CCSER1: variants seen among roughly 807,000 people sequenced by gnomAD.
The protein encoded by CCSER1 is coiled-coil serine rich protein 1.
A neutral mutation model predicts 82.0 loss-of-function variants in CCSER1; 41 were observed. That is an observed-to-expected ratio of 0.50 (90% CI 0.39 to 0.65). The LOEUF is 0.65. Among genes scored for constraint, CCSER1 ranks in the 30% least tolerant of loss-of-function variants. The pLI, the probability that CCSER1 is intolerant of heterozygous loss-of-function variation, is 0.00. For missense variants in CCSER1, 1,119 were observed against 1,064.2 expected (o/e 1.05, Z -0.72); for synonymous variants, 414 against 383.9 (o/e 1.08, Z -0.92).
intron 4 of CCSER1, among the ~76,000 whole-genome samples, chr4:90,441,127 C>T (rs1759820235): frequency 6.6e-6 from 1 of 152,142 alleles, no homozygotes; most frequent in South Asian, 2.1e-4. Flanking sequence ...GCCAAGCAAT[C>T]CTTTAAGAAG....
At chr4:90,855,387 T>A (rs937790720) in intron 8 of CCSER1, among the ~76,000 whole-genome samples, 15 of 152,170 alleles carry the variant, frequency 9.9e-5, no homozygotes, top group Non-Finnish European at 2.9e-5. Flanking sequence ...TTGGAATAAG[T>A]CTAGCTTTGG....
At chr4:91,455,972 A>T (rs1340849631) in intron 10 of CCSER1, among the ~76,000 whole-genome samples, 1 of 152,122 alleles carries the variant, frequency 6.6e-6, no homozygotes, top group Non-Finnish European at 1.5e-5. Context: ...TGGAAAAGTC[A>T]TCTCTGTAAT....
chr4:91,435,282 A>G (rs781333216), intron 10 of CCSER1, among the ~76,000 whole-genome samples: 1 of 152,048 alleles, frequency 6.6e-6, no homozygotes, highest in Non-Finnish European at 1.5e-5. Flanking sequence ...TCTACAAAAA[A>G]TATTTAAAAG....
chr4:90,214,909 T>C (rs564203310), intron 1 of CCSER1, among the ~76,000 whole-genome samples: 17 of 152,334 alleles, frequency 1.1e-4, no homozygotes, highest in African/African-American at 4.1e-4. Flanking sequence ...TTATTCCTTT[T>C]AATATAGCAT....
At chr4:90,586,280 C>T (rs1460915253) in intron 5 of CCSER1, among the ~76,000 whole-genome samples, 1 of 152,012 alleles carries the variant, frequency 6.6e-6, no homozygotes, top group Non-Finnish European at 1.5e-5. Context: ...CCAATTTGTC[C>T]GTGGAAAAAT....
chr4:90,991,822 C>T (rs571427340), intron 9 of CCSER1, among the ~76,000 whole-genome samples: 5 of 152,020 alleles, frequency 3.3e-5, no homozygotes, highest in African/African-American at 4.8e-5. Flanking sequence ...CTTTTTTCAG[C>T]GAAGATTCTG....
chr4:90,492,340 A>G (rs1034668554), intron 5 of CCSER1, among the ~76,000 whole-genome samples: 42 of 152,212 alleles, frequency 2.8e-4, no homozygotes, highest in African/African-American at 8.9e-4. Context: ...AGTAGTTTGT[A>G]TATCTGTGGG....
intron 10 of CCSER1, among the ~76,000 whole-genome samples, chr4:91,498,458 CTT>C (rs34213352): frequency 3.3e-5 from 5 of 150,070 alleles, no homozygotes; most frequent in Admixed American, 6.7e-5. Context: ...TCTATTTATG[CTT>C]TTTTTTTTAA....
At chr4:90,907,663 G>A (rs1387549207) in intron 8 of CCSER1, among the ~76,000 whole-genome samples, 2 of 152,018 alleles carry the variant, frequency 1.3e-5, no homozygotes, top group African/African-American at 4.8e-5. Flanking sequence ...TGATGTTACA[G>A]TATCAATTTC....
intron 1 of CCSER1, among the ~76,000 whole-genome samples, chr4:90,286,268 CT>C (rs968705907): frequency 4.0e-5 from 6 of 151,842 alleles, no homozygotes; most frequent in Admixed American, 2.0e-4. Flanking sequence ...AGGTCCTGGG[CT>C]TTTTTTCATT....
chr4:91,284,056 G>GCA (rs1418393520), intron 10 of CCSER1, among the ~76,000 whole-genome samples: 4 of 152,074 alleles, frequency 2.6e-5, no homozygotes, highest in African/African-American at 9.7e-5. Context: ...TAAGAAAACT[G>GCA]CATTGCAATG....
intron 8 of CCSER1, among the ~76,000 whole-genome samples, chr4:90,890,654 A>G (rs974907796): frequency 3.1e-4 from 47 of 152,236 alleles, no homozygotes; most frequent in African/African-American, 1.0e-3. Flanking sequence ...GATGAAGCCA[A>G]AGCCACCCTC....
At chr4:90,172,442 A>G (rs1467269939) in intron 1 of CCSER1, among the ~76,000 whole-genome samples, 1 of 151,922 alleles carries the variant, frequency 6.6e-6, no homozygotes, top group Non-Finnish European at 1.5e-5. Flanking sequence ...TAGCTTGGAA[A>G]TAAGACTAGA....
chr4:90,345,370 A>G (rs1461054509), intron 3 of CCSER1, among the ~76,000 whole-genome samples: 1 of 152,100 alleles, frequency 6.6e-6, no homozygotes, highest in Non-Finnish European at 1.5e-5. Context: ...AGAAAAAGTT[A>G]TCATTTGGGA....
At chr4:90,742,135 C>T (rs542529791) in intron 7 of CCSER1, among the ~76,000 whole-genome samples, 3 of 152,006 alleles carry the variant, frequency 2.0e-5, no homozygotes, top group Non-Finnish European at 2.9e-5. Flanking sequence ...TACACACTTC[C>T]GAGCAACCAG....
At chr4:90,243,590 G>T (rs1720822469) in intron 1 of CCSER1, among the ~76,000 whole-genome samples, 1 of 151,324 alleles carries the variant, frequency 6.6e-6, no homozygotes, top group Non-Finnish European at 1.5e-5. Context: ...GTCTTGCTTT[G>T]TTGCCCAGGC....
chr4:91,163,853 A>T (rs903574121), intron 10 of CCSER1, among the ~76,000 whole-genome samples: 2 of 152,090 alleles, frequency 1.3e-5, no homozygotes, highest in African/African-American at 2.4e-5. Flanking sequence ...TTTCCTGAAT[A>T]CAGCACACTG....
At chr4:91,346,843 T>C (rs1748096603) in intron 10 of CCSER1, among the ~76,000 whole-genome samples, 1 of 152,208 alleles carries the variant, frequency 6.6e-6, no homozygotes, top group Admixed American at 6.5e-5. Flanking sequence ...GTTTCTTATT[T>C]TTGAGTTATA....
chr4:91,510,701 T>G (rs192304055), intron 10 of CCSER1, among the ~76,000 whole-genome samples: 2 of 152,330 alleles, frequency 1.3e-5, no homozygotes, highest in East Asian at 3.9e-4. Context: ...TTTCTTTAAG[T>G]TCCTTATAGA....
Sources: gnomAD v4.1 joint callset for allele counts (sites outside exome capture counted in the v4.1 genomes callset) on GRCh38, gnomAD v4.1.1 for gene constraint, MANE v1.5 for transcripts, NCBI Gene and HGNC (gene_info 2026-07-23, HGNC 2026-07-21) for gene names.